GLIS3: variants seen among roughly 807,000 people sequenced by gnomAD.
GLIS3 encodes the protein zinc finger protein GLIS3.
A neutral mutation model predicts 78.6 loss-of-function variants in GLIS3; 53 were observed. The ratio of observed to expected loss-of-function variants is 0.67; its 90% CI spans 0.54 to 0.85. GLIS3 has a LOEUF of 0.85. Among genes scored for constraint, GLIS3 ranks in the 40% least tolerant of loss-of-function variants. GLIS3 has a pLI of 0.00. For missense variants in GLIS3, 1,703 were observed against 1,231.1 expected, an observed-to-expected ratio of 1.38 and a Z score of -5.74; for synonymous variants, 684 against 509.9, an observed-to-expected ratio of 1.34 and a Z score of -4.60.
upstream of GLIS3, among the ~76,000 whole-genome samples, chr9:4,300,267 G>C (rs935212974): frequency 5.3e-5 from 8 of 151,702 alleles, no homozygotes; most frequent in Non-Finnish European, 1.0e-4. Context: ...GCCAGAAGTC[G>C]AGGAACTCCA....
chr9:4,488,377 T>C, the GLIS3 span, among the ~76,000 whole-genome samples: 1 of 152,232 alleles, frequency 6.6e-6, no homozygotes, highest in Non-Finnish European at 1.5e-5. Flanking sequence ...AAAAACTTCA[T>C]AAACTTCCTT....
intron 9 of GLIS3, among the ~76,000 whole-genome samples, chr9:3,842,842 C>T (rs527546028): frequency 2.0e-5 from 3 of 152,334 alleles, no homozygotes; most frequent in Middle Eastern, 3.4e-3. Flanking sequence ...AACAACAGAA[C>T]GGCTCTAATT....
chr9:4,048,474 T>C (rs766597122), intron 4 of GLIS3, among the ~76,000 whole-genome samples: 1 of 152,138 alleles, frequency 6.6e-6, no homozygotes, highest in African/African-American at 2.4e-5. Flanking sequence ...ATATAAGCCA[T>C]TCTCATAAAT....
chr9:3,993,505 G>T (rs1475317494), intron 4 of GLIS3, among the ~76,000 whole-genome samples: 1 of 152,138 alleles, frequency 6.6e-6, no homozygotes, highest in African/African-American at 2.4e-5. Flanking sequence ...TACATTTCAT[G>T]TATATGTAAA....
intron 1 of GLIS3, chr9:4,298,364 A>G (rs1361393243): frequency 4.4e-6 from 2 of 455,884 alleles, no homozygotes; most frequent in South Asian, 1.6e-5. Context: ...CCCTTCCCCA[A>G]AGTTTCTCCC....
the GLIS3 span, among the ~76,000 whole-genome samples, chr9:4,468,386 T>G: frequency 6.6e-6 from 1 of 151,766 alleles, no homozygotes; most frequent in African/African-American, 2.4e-5. Context: ...AGCCAGAGAG[T>G]AAGGTTGGGT....
At chr9:4,185,645 T>TA (rs1391255996) in intron 2 of GLIS3, among the ~76,000 whole-genome samples, 5 of 152,140 alleles carry the variant, frequency 3.3e-5, no homozygotes, top group Non-Finnish European at 7.4e-5. Context: ...AATATAAAGG[T>TA]AATGGCCAGT....
chr9:3,912,360 T>C (rs908590707), intron 6 of GLIS3, among the ~76,000 whole-genome samples: 5 of 152,130 alleles, frequency 3.3e-5, no homozygotes, highest in African/African-American at 1.2e-4. Context: ...GGAATTATTC[T>C]ATCTCAGGAG....
In GLIS3 at chr9:4,285,948, T is replaced by G. The variant is rs769716730; in HGVS notation, c.388+90A>C. The G allele has an allele frequency of 3.4e-6, 5 of 1,454,100 alleles. 1 individual carries two copies. In the East Asian group the frequency reaches 1.1e-4, roughly 33 times the overall value. The allele number at this position is 1,454,100 out of a possible 1,614,324, so 90.1% of individuals were successfully genotyped here. ...TCTTTGACCCTGACACTGAATCATG[T>G]ATTTTTCCATAGGATTTGCTGGCAG... On this transcript the variant is annotated intron_variant, in intron 2 of 10. Coordinates refer to ENST00000381971, the MANE Select transcript of GLIS3 (RefSeq NM_001042413.2).
intron 9 of GLIS3, 146 bp from the exon 10 acceptor site, chr9:3,829,638 A>C (rs1817933258): frequency 5.3e-6 from 4 of 760,046 alleles, no homozygotes; most frequent in Non-Finnish European, 9.1e-6. Flanking sequence ...CTTCCAAGCA[A>C]ACATTTGGAA....
chr9:4,419,007 A>G, the GLIS3 span, among the ~76,000 whole-genome samples: 1 of 152,228 alleles, frequency 6.6e-6, no homozygotes, highest in Admixed American at 6.5e-5. Flanking sequence ...TCTTTTGGAA[A>G]TATGACACAG....
chr9:4,103,764 G>A (rs1482868292), intron 4 of GLIS3, among the ~76,000 whole-genome samples: 1 of 152,126 alleles, frequency 6.6e-6, no homozygotes, highest in African/African-American at 2.4e-5. Context: ...GTATTCTCTT[G>A]GAAGAGGTCC....
chr9:4,056,317 T>C (rs1006190582), intron 4 of GLIS3, among the ~76,000 whole-genome samples: 1 of 152,250 alleles, frequency 6.6e-6, no homozygotes, highest in African/African-American at 2.4e-5. Context: ...TTCACTGTCA[T>C]AATGTAAACT....
intron 9 of GLIS3, among the ~76,000 whole-genome samples, chr9:3,830,450 G>A (rs181652641): frequency 6.5e-4 from 99 of 152,320 alleles, no homozygotes; most frequent in Non-Finnish European, 4.0e-4. Flanking sequence ...ATTTCCTTGT[G>A]TCTGTCTCCT....
At chr9:4,217,633 T>G (rs1463774306) in intron 2 of GLIS3, among the ~76,000 whole-genome samples, 1 of 152,206 alleles carries the variant, frequency 6.6e-6, no homozygotes, top group Non-Finnish European at 1.5e-5. Context: ...TGTATATATT[T>G]TAGAGTGCTG....
chr9:4,220,920 G>A (rs934655506), intron 2 of GLIS3, among the ~76,000 whole-genome samples: 1 of 152,150 alleles, frequency 6.6e-6, no homozygotes, highest in African/African-American at 2.4e-5. Flanking sequence ...AGGAGGTGGA[G>A]GTTGCAGTGA....
chr9:4,161,209 G>A (rs1835452804), intron 2 of GLIS3, among the ~76,000 whole-genome samples: 1 of 152,074 alleles, frequency 6.6e-6, no homozygotes, highest in Non-Finnish European at 1.5e-5. Context: ...GGAGACCAAG[G>A]CTGCAGTGAG....
chr9:3,853,391 G>A (rs989613496), intron 9 of GLIS3, among the ~76,000 whole-genome samples: 3 of 152,022 alleles, frequency 2.0e-5, no homozygotes, highest in Admixed American at 2.0e-4. Context: ...GTTGAATGAG[G>A]GAGTGTCAAT....
chr9:4,270,350 G>A (rs1473558480), intron 2 of GLIS3, among the ~76,000 whole-genome samples: 1 of 152,186 alleles, frequency 6.6e-6, no homozygotes, highest in East Asian at 1.9e-4. Context: ...CATCAACTTA[G>A]TGGCTTAAAA....
Sources: gnomAD v4.1 joint callset for allele counts (sites outside exome capture counted in the v4.1 genomes callset) on GRCh38, gnomAD v4.1.1 for gene constraint, MANE v1.5 for transcripts, NCBI Gene and HGNC (gene_info 2026-07-23, HGNC 2026-07-21) for gene names.